ZNF483: variants seen among roughly 807,000 people sequenced by gnomAD.
ZNF483 encodes the protein zinc finger protein HIT-10.
Under a neutral mutation model 28.6 loss-of-function variants are expected in ZNF483, and 9 were observed. The observed-to-expected ratio is 0.32, with a 90% confidence interval of 0.19 to 0.55. The LOEUF is 0.55. ZNF483 is among the 20% of genes least tolerant of loss of function. The pLI is 0.93. For synonymous variants in ZNF483, 322 were observed against 306.2 expected (o/e 1.05, Z -0.54); for missense variants, 675 against 871.7 (o/e 0.77, Z 2.84).
chr9:111,538,363 A>G (rs1827573385), intron 5 of ZNF483, among the ~76,000 whole-genome samples: 1 of 152,020 alleles, frequency 6.6e-6, no homozygotes, highest in African/African-American at 2.4e-5. Flanking sequence ...AAAAATTTAA[A>G]CATCAGCCAG....
Position 111,548,717 on chromosome 9 carries a change from C to T in ZNF483, c.*5547C>T, listed in dbSNP as rs1827859378. 1.3e-5 allele frequency among the ~76,000 whole-genome samples: 2 copies of T among 151,632 alleles called. No individual in the cohort carries two copies. The highest frequency in any genetic ancestry group is 1.3e-4 in the Admixed American group (2 of 15,224). Reference sequence around the variant, plus strand: ...CATTCCGTATGATGTTAGCTGTGGTCTTTTCATATTTGACCTTTATTATGT... The same window carrying T: ...CATTCCGTATGATGTTAGCTGTGGTTTTTTCATATTTGACCTTTATTATGT... On this transcript the variant is annotated 3_prime_UTR_variant, in exon 6 of 6. Coordinates refer to ENST00000309235, the MANE Select transcript of ZNF483 (RefSeq NM_133464.5).
At position 111,551,534 on chromosome 9, in the gene ZNF483, A is replaced by G. The variant is rs940107852; in HGVS notation, c.*8364A>G. ...GCAATTCTCCTGCTTCAGCCTCCCC[A>G]GTAGCTGAGATTACTGGTGCACACT... On this transcript the variant is annotated 3_prime_UTR_variant, in exon 6 of 6. Transcript: ENST00000309235. 6.8e-6 allele frequency among the ~76,000 whole-genome samples: 1 copy of G among 147,154 alleles called. No homozygotes were observed. Among genetic ancestry groups the G allele is most frequent in the Non-Finnish European group, 1.5e-5 (1 of 67,512 alleles).
rs897516453 is a variant in ZNF483 at position 111,553,028 on chromosome 9, C to T, written c.*9858C>T. Among the ~76,000 whole-genome samples the T allele has an allele frequency of 6.6e-6, 1 of 152,060 alleles. No individual in the cohort carries two copies. Among genetic ancestry groups the T allele is most frequent in the African/African-American group, 2.4e-5 (1 of 41,398 alleles). ...GCTTGCCAGGTTTACAAACTCAGAC[C>T]CTTTTAAAAGTTGTTTAAATTGTTT... On this transcript the variant is annotated 3_prime_UTR_variant, in exon 6 of 6. Transcript: ENST00000309235.
In ZNF483 at chr9:111,549,826, T is replaced by C. The variant is rs1474891009; in HGVS notation, c.*6656T>C. The C allele has an allele frequency of 9.3e-6, 13 of 1,392,788 alleles. No homozygotes were observed. Among genetic ancestry groups the C allele is most frequent in the Non-Finnish European group, 1.3e-5 (13 of 1,004,778 alleles). The allele number at this position is 1,392,788 out of a possible 1,614,324, so 86.3% of individuals were successfully genotyped here. ...TGTCAACACAATCAGAACATTTAGC[T>C]CTTTGAGCATCTTTAAGGCAGTTGC... On this transcript the variant is annotated 3_prime_UTR_variant, in exon 6 of 6. Transcript: ENST00000309235.
At chr9:111,570,323 C>A in intron 5 of ZNF483, 1 of 1,444,208 alleles carries the variant, frequency 6.9e-7, no homozygotes, top group Non-Finnish European at 9.1e-7. Context: ...TGGTGCTTCT[C>A]CCCTTCCATT....
chr9:111,558,106 C>T (rs767305942), downstream of ZNF483, among the ~76,000 whole-genome samples: 5 of 152,082 alleles, frequency 3.3e-5, no homozygotes, highest in Non-Finnish European at 7.4e-5. Flanking sequence ...GAGATTGCAC[C>T]ACTGCACTCC....
At chr9:111,565,895 G>T (rs1335701768) in intron 5 of ZNF483, among the ~76,000 whole-genome samples, 1 of 152,056 alleles carries the variant, frequency 6.6e-6, no homozygotes, top group Non-Finnish European at 1.5e-5. Context: ...GTATGTGAAA[G>T]AAATTAGGCC....
intron 5 of ZNF483, among the ~76,000 whole-genome samples, chr9:111,540,480 G>A (rs1246103937): frequency 6.6e-6 from 1 of 152,222 alleles, no homozygotes; most frequent in Non-Finnish European, 1.5e-5. Context: ...ATTGGAGAAA[G>A]CTCTGGAGAT....
rs1827807064 is a variant in ZNF483, at chr9:111,546,329, A to G, written c.*3159A>G. ...ACTTTCTAAATACCATGTACTAGCT[A>G]CAGAGAGCAGCCCAAACTCTGTTGG... On this transcript the variant is annotated 3_prime_UTR_variant, in exon 6 of 6. Coordinates refer to ENST00000309235, the MANE Select transcript of ZNF483 (RefSeq NM_133464.5). 6.6e-6 allele frequency among the ~76,000 whole-genome samples: 1 copy of G among 152,176 alleles called. No homozygotes were observed. The highest frequency in any genetic ancestry group is 1.5e-5 in the Non-Finnish European group (1 of 68,000).
downstream of ZNF483, among the ~76,000 whole-genome samples, chr9:111,557,966 G>A (rs762580674): frequency 1.5e-3 from 231 of 152,274 alleles, no homozygotes; most frequent in Non-Finnish European, 2.8e-3. Flanking sequence ...GGCCAAAATA[G>A]TGAAACTCTG....
intron 2 of ZNF483, among the ~76,000 whole-genome samples, chr9:111,528,611 AT>A (rs1458030219): frequency 6.6e-6 from 1 of 152,150 alleles, no homozygotes; most frequent in African/African-American, 2.4e-5. Flanking sequence ...TGCTACAAAT[AT>A]TTGGAATATT....
chr9:111,530,717 G>A (rs1357751692), intron 2 of ZNF483, among the ~76,000 whole-genome samples, 158 bp from the exon 3 acceptor site: 4 of 138,396 alleles, frequency 2.9e-5, no homozygotes, highest in African/African-American at 1.1e-4. Flanking sequence ...AGTATAGTAG[G>A]AGAAACTGAC....
Position 111,552,747 on chromosome 9 carries a change from A to T in ZNF483, c.*9577A>T, listed in dbSNP as rs1341652876. 6.6e-6 allele frequency among the ~76,000 whole-genome samples: 1 copy of T among 152,230 alleles called. No homozygotes were observed. The highest frequency in any genetic ancestry group is 1.9e-4 in the East Asian group (1 of 5,202). On this transcript the variant is annotated 3_prime_UTR_variant, in exon 6 of 6. Coordinates refer to ENST00000309235, the MANE Select transcript of ZNF483 (RefSeq NM_133464.5). The stretch of plus-strand genomic sequence containing the variant: ...CAAACAGTTCATCTAAGGCTAAAGA[A>T]AAATACTTGAAATTTTTCAAGATTT...
chr9:111,527,893 T>G (rs916079222), intron 2 of ZNF483, 86 bp downstream of exon 2: 35 of 1,603,878 alleles, frequency 2.2e-5, no homozygotes, highest in Non-Finnish European at 3.0e-5. Context: ...AATTTACTGC[T>G]AAAGAGGAGT....
rs1564603210 is a variant in ZNF483, at chr9:111,551,742, TTTATTAG to T, written c.*8573_*8579del. 6.6e-6 allele frequency among the ~76,000 whole-genome samples: 1 copy of T among 152,212 alleles called. No homozygotes were observed. Among genetic ancestry groups the T allele is most frequent in the African/African-American group, 2.4e-5 (1 of 41,454 alleles). ...AATTTGCATCCACATTAACAAAACT[TTTATTAG>T]AAAAATTCATTTAATATCTAGGCAA... On this transcript the variant is annotated 3_prime_UTR_variant, in exon 6 of 6. Coordinates refer to ENST00000309235, the MANE Select transcript of ZNF483 (RefSeq NM_133464.5).
At chr9:111,569,518 C>T (rs1828715592) in intron 5 of ZNF483, among the ~76,000 whole-genome samples, 1 of 152,182 alleles carries the variant, frequency 6.6e-6, no homozygotes, top group Non-Finnish European at 1.5e-5. Flanking sequence ...TGGCTCACAA[C>T]TGTAACCCCA....
chr9:111,559,883 C>G (rs1828225075), downstream of ZNF483, among the ~76,000 whole-genome samples: 1 of 152,186 alleles, frequency 6.6e-6, no homozygotes, highest in Non-Finnish European at 1.5e-5. Context: ...CCTTAGTTAT[C>G]TTCCTTGAAG....
chr9:111,527,773 A>G lies in ZNF483; in HGVS notation c.378A>G (p.Leu126=). The part of the protein sequence containing the change: ...HPESSEEVVT[L]IEDLTQMLEE... Reference sequence around the variant, plus strand: ...AGAGTAGTGAGGAAGTGGTGACCCTAATAGAAGATTTGACCCAGATGCTTG... The same window carrying G: ...AGAGTAGTGAGGAAGTGGTGACCCTGATAGAAGATTTGACCCAGATGCTTG... Residue 126 remains leucine, a synonymous_variant, in exon 2 of 6, where the codon CTA becomes CTG. Coordinates refer to ENST00000309235, the MANE Select transcript of ZNF483 (RefSeq NM_133464.5). 6.2e-7 allele frequency: 1 copy of G among 1,614,146 alleles called. No individual in the cohort carries two copies. The highest frequency in any genetic ancestry group is 8.5e-7 in the Non-Finnish European group (1 of 1,180,024).
Position 111,549,462 on chromosome 9 carries a change from T to G in ZNF483, c.*6292T>G, listed in dbSNP as rs1827875576. ...TTGTGATTTCCAAGCAAAGTGTTTT[T>G]CACCCTGAGAAATTGGTGAGGTATC... On this transcript the variant is annotated 3_prime_UTR_variant, in exon 6 of 6. Transcript: ENST00000309235. Among the ~76,000 whole-genome samples, 1 of 152,218 alleles carries G rather than the reference T, an allele frequency of 6.6e-6. No homozygotes were observed. The highest frequency in any genetic ancestry group is 1.5e-5 in the Non-Finnish European group (1 of 68,038).
Sources: allele counts gnomAD v4.1 joint callset (sites outside exome capture counted in the v4.1 genomes callset), GRCh38; gene constraint gnomAD v4.1.1; transcripts MANE v1.5; gene names NCBI Gene and HGNC (gene_info 2026-07-23, HGNC 2026-07-21).